Variants in CACNA2D3 observed in about 807,000 individuals in gnomAD.
The protein encoded by CACNA2D3 is calcium voltage-gated channel auxiliary subunit alpha2delta 3, also known as voltage-dependent calcium channel subunit alpha-2/delta-3.
Under a neutral mutation model 160.6 loss-of-function variants are expected in CACNA2D3, and 60 were observed. That is an observed-to-expected ratio of 0.37 (90% CI 0.30 to 0.46). The LOEUF (loss-of-function observed/expected upper bound fraction) is 0.46, where lower values mean the gene tolerates loss of function less well. CACNA2D3 is among the 20% of genes least tolerant of loss of function. The probability of loss-of-function intolerance (pLI) is 1.00; values close to 1 mark genes in which losing one functional copy is unlikely to be tolerated. For missense variants in CACNA2D3, 1,205 were observed against 1,365.0 expected, an observed-to-expected ratio of 0.88 and a Z score of 1.85; for synonymous variants, 558 against 492.9, an observed-to-expected ratio of 1.13 and a Z score of -1.75.
chr3:54,717,818 G>A (rs1282346282), intron 11 of CACNA2D3, among the ~76,000 whole-genome samples: 2 of 139,884 alleles, frequency 1.4e-5, no homozygotes, highest in African/African-American at 2.7e-5. Flanking sequence ...GCATGTTTGC[G>A]TGTGTGTGGT....
chr3:54,349,691 C>T (rs575314211), intron 3 of CACNA2D3, among the ~76,000 whole-genome samples: 153 of 152,176 alleles, frequency 1.0e-3, no homozygotes, highest in Non-Finnish European at 1.9e-3. Context: ...AAAATCACTC[C>T]CCCCTCCCCC....
chr3:54,158,228 G>A (rs1700279161), intron 2 of CACNA2D3, among the ~76,000 whole-genome samples: 1 of 152,206 alleles, frequency 6.6e-6, no homozygotes, highest in African/African-American at 2.4e-5. Flanking sequence ...GCAGCTGTGA[G>A]GTCACCCTGG....
At chr3:54,792,330 T>A (rs1329290859) in intron 13 of CACNA2D3, among the ~76,000 whole-genome samples, 1 of 152,174 alleles carries the variant, frequency 6.6e-6, no homozygotes, top group Admixed American at 6.5e-5. Flanking sequence ...ATTTTGGGAC[T>A]CCATAGAGCA....
At chr3:54,825,691 CAT>C (rs1353697757) in intron 14 of CACNA2D3, among the ~76,000 whole-genome samples, 1 of 152,170 alleles carries the variant, frequency 6.6e-6, no homozygotes, top group Non-Finnish European at 1.5e-5. Flanking sequence ...AGGAAATAAA[CAT>C]ATTTTATTTT....
chr3:54,790,580 C>T (rs1702733284), intron 13 of CACNA2D3, among the ~76,000 whole-genome samples: 1 of 152,196 alleles, frequency 6.6e-6, no homozygotes, highest in African/African-American at 2.4e-5. Flanking sequence ...GGTGCACCTT[C>T]TAGGTGCTCG....
chr3:54,729,422 T>C lies in CACNA2D3; in HGVS notation c.1168-23177T>C, dbSNP rs560066060. ...GATTCATCTGACAGTACATAGTCCA[T>C]CATAGCTAGAAGCAGAATTTCTCCA... On this transcript the variant is annotated intron_variant, in intron 11 of 37. Coordinates refer to ENST00000474759, the MANE Select transcript of CACNA2D3 (RefSeq NM_018398.3). 1.0e-3 allele frequency among the ~76,000 whole-genome samples: 159 copies of C among 152,000 alleles called. 2 individuals carry two copies. Among genetic ancestry groups the C allele is most frequent in the East Asian group, 1.9e-4 (1 of 5,156 alleles).
At chr3:54,859,542 C>T (rs545013180) in intron 17 of CACNA2D3, among the ~76,000 whole-genome samples, 3 of 152,296 alleles carry the variant, frequency 2.0e-5, no homozygotes, top group Admixed American at 6.5e-5. Flanking sequence ...TCCCTCTCTC[C>T]TAGAGATGGA....
At chr3:54,574,535 A>C (rs1453357280) in intron 8 of CACNA2D3, among the ~76,000 whole-genome samples, 1 of 152,218 alleles carries the variant, frequency 6.6e-6, no homozygotes, top group Non-Finnish European at 1.5e-5. Context: ...TAACTGATTG[A>C]ATTATGAAAG....
chr3:54,889,181 C>T (rs750026464), intron 24 of CACNA2D3, among the ~76,000 whole-genome samples: 4 of 152,092 alleles, frequency 2.6e-5, no homozygotes, highest in Admixed American at 6.5e-5. Context: ...GCAGAGGGGC[C>T]GCATGGCTCA....
chr3:54,649,689 C>T (rs1438772975), intron 11 of CACNA2D3, among the ~76,000 whole-genome samples: 1 of 152,134 alleles, frequency 6.6e-6, no homozygotes, highest in Non-Finnish European at 1.5e-5. Flanking sequence ...GGACACTAAT[C>T]CCATTCATGA....
At chr3:54,496,481 G>A (rs1231330497) in intron 4 of CACNA2D3, among the ~76,000 whole-genome samples, 1 of 152,018 alleles carries the variant, frequency 6.6e-6, no homozygotes, top group Non-Finnish European at 1.5e-5. Context: ...CAAATCTTTT[G>A]CCCATATTTT....
At chr3:54,626,741 G>GACT (rs1699124193) in intron 9 of CACNA2D3, 3 of 673,236 alleles carry the variant, frequency 4.5e-6, no homozygotes, top group Admixed American at 2.7e-5. Flanking sequence ...GGAATGCAGT[G>GACT]ACTGGAAAGC....
chr3:55,017,431 T>C (rs1703349270), intron 34 of CACNA2D3, among the ~76,000 whole-genome samples: 1 of 152,232 alleles, frequency 6.6e-6, no homozygotes. Context: ...TTTGTTGTTG[T>C]TGCTATTATT....
chr3:54,322,198 C>T (rs1234564809), intron 3 of CACNA2D3, among the ~76,000 whole-genome samples: 1 of 152,176 alleles, frequency 6.6e-6, no homozygotes, highest in Non-Finnish European at 1.5e-5. Flanking sequence ...AGGCAGTGGG[C>T]CCACGTGGTC....
chr3:54,753,089 G>A (rs1206867279), intron 12 of CACNA2D3, among the ~76,000 whole-genome samples: 1 of 152,104 alleles, frequency 6.6e-6, no homozygotes, highest in Non-Finnish European at 1.5e-5. Flanking sequence ...TAGAACTCCT[G>A]AGCTCAAGTG....
chr3:54,652,177 T>G (rs1699779890), intron 11 of CACNA2D3, among the ~76,000 whole-genome samples: 1 of 151,912 alleles, frequency 6.6e-6, no homozygotes, highest in African/African-American at 2.4e-5. Flanking sequence ...GTCTGTATTC[T>G]TCATCCCATA....
At chr3:54,415,649 T>C (rs952742959) in intron 4 of CACNA2D3, among the ~76,000 whole-genome samples, 1 of 152,206 alleles carries the variant, frequency 6.6e-6, no homozygotes, top group Non-Finnish European at 1.5e-5. Context: ...GTACAGGCAG[T>C]GGCATAAGTC....
At chr3:54,142,286 C>G (rs1293811824) in intron 2 of CACNA2D3, among the ~76,000 whole-genome samples, 2 of 152,184 alleles carry the variant, frequency 1.3e-5, no homozygotes, top group South Asian at 2.1e-4. Context: ...CCCAAACTCC[C>G]TCCCTTGCCA....
At chr3:54,968,002 C>G (rs1702187843) in intron 27 of CACNA2D3, among the ~76,000 whole-genome samples, 2 of 152,204 alleles carry the variant, frequency 1.3e-5, no homozygotes. Flanking sequence ...ATTCTAGCCT[C>G]ATGACAAGTG....
Sources: allele counts gnomAD v4.1 joint callset (sites outside exome capture counted in the v4.1 genomes callset), GRCh38; gene constraint gnomAD v4.1.1; transcripts MANE v1.5; gene names NCBI Gene and HGNC (gene_info 2026-07-23, HGNC 2026-07-21).